The following PRMT8 variants were observed in gnomAD, a reference collection of about 807,000 sequenced individuals.
The protein encoded by PRMT8 is protein arginine N-methyltransferase 8.
In PRMT8, 7 loss-of-function variants were observed where a neutral mutation model predicts 47.1. That is an observed-to-expected ratio of 0.15 (90% CI 0.08 to 0.28). The LOEUF (loss-of-function observed/expected upper bound fraction) is 0.28, where lower values mean the gene tolerates loss of function less well. PRMT8 is among the 10% of genes least tolerant of loss of function. The pLI is 1.00. For synonymous variants in PRMT8, 188 were observed against 186.5 expected, an observed-to-expected ratio of 1.01 and a Z score of -0.07; for missense variants, 237 against 505.4, an observed-to-expected ratio of 0.47 and a Z score of 5.09.
At chr12:3,534,585 C>G (rs952156746) in intron 1 of PRMT8, among the ~76,000 whole-genome samples, 2 of 152,206 alleles carry the variant, frequency 1.3e-5, no homozygotes, top group Non-Finnish European at 1.5e-5. Flanking sequence ...CATCTGCACC[C>G]TGACACCTAT....
At position 3,534,147 on chromosome 12, in the gene PRMT8, C is replaced by T. The variant is rs567048217; in HGVS notation, c.76-6459C>T. On this transcript the variant is annotated intron_variant, in intron 1 of 9. Coordinates refer to ENST00000382622, the MANE Select transcript of PRMT8 (RefSeq NM_019854.5). Reference sequence around the variant, plus strand: ...GTCCCCTCCCACTGCGATCCTCTTTCTTCCCTCCGTGGGCCCTCCAGGCCA... The same window carrying T: ...GTCCCCTCCCACTGCGATCCTCTTTTTTCCCTCCGTGGGCCCTCCAGGCCA... 2.6e-5 allele frequency among the ~76,000 whole-genome samples: 4 copies of T among 152,390 alleles called. No individual in the cohort carries two copies. The South Asian group carries it at 8.3e-4, about 32-fold the overall frequency.
rs1001121151 is a variant in PRMT8, at chr12:3,403,294, C to T, written c.48+21852C>T. ...AGAACACATGGACACATGAGGGGAACAACACACACTGAGGCCTATGGGAGG... is the reference window on the plus strand; with the variant it reads ...AGAACACATGGACACATGAGGGGAATAACACACACTGAGGCCTATGGGAGG... On this transcript the variant is annotated intron_variant, in intron 1 of 9. Transcript: ENST00000452611. Among the ~76,000 whole-genome samples, 4 of 151,970 alleles carry T rather than the reference C, an allele frequency of 2.6e-5. No individual in the cohort carries two copies. The South Asian group carries it at 8.3e-4, about 32-fold the overall frequency.
Position 3,491,364 on chromosome 12 carries a change from G to T in PRMT8, c.-262G>T. Reference sequence around the variant, plus strand: ...GCTTAGCCCGCAGCGCGGGTGGAGAGGGGCGGGGAGGGGGTCGGGGGCACG... The same window carrying T: ...GCTTAGCCCGCAGCGCGGGTGGAGATGGGCGGGGAGGGGGTCGGGGGCACG... On this transcript the variant is annotated 5_prime_UTR_variant, in exon 1 of 10. In the 5' UTR this introduces an upstream ATG that the reference lacks. Transcript: ENST00000382622. The T allele has an allele frequency of 8.5e-7, 1 of 1,174,782 alleles. No homozygotes were observed. Among genetic ancestry groups the T allele is most frequent in the Admixed American group, 4.3e-5 (1 of 23,048 alleles). The allele number at this position is 1,174,782 out of a possible 1,614,324, so 72.8% of individuals were successfully genotyped here. A position where few individuals can be genotyped will look rare whatever the true frequency, so the allele number is the denominator to read the frequency against.
intron 1 of PRMT8, among the ~76,000 whole-genome samples, chr12:3,522,642 C>A (rs1171954950): frequency 3.4e-4 from 30 of 88,134 alleles, no homozygotes; most frequent in Non-Finnish European, 1.6e-4. Flanking sequence ...CAGCCTGAGA[C>A]TCCATTAAAA....
chr12:3,390,753 GCA>G (rs1565396496), intron 1 of PRMT8, among the ~76,000 whole-genome samples: 1 of 152,178 alleles, frequency 6.6e-6, no homozygotes, highest in Non-Finnish European at 1.5e-5. Context: ...AGGAGTTCTA[GCA>G]CTCGTTACAA....
In PRMT8 at chr12:3,582,799, A is replaced by C. The variant is rs7135010; in HGVS notation, c.829-259A>C. On this transcript the variant is annotated intron_variant, in intron 7 of 9. Coordinates refer to ENST00000382622, the MANE Select transcript of PRMT8 (RefSeq NM_019854.5). ...ATCCCCCTGTAGCCCCAAACCCTGG[A>C]AGATTTATCTTCCGAATTCTGCTCC... 5.3e-3 allele frequency among the ~76,000 whole-genome samples: 812 copies of C among 152,228 alleles called. 3 individuals are homozygous for C. Among genetic ancestry groups the C allele is most frequent in the African/African-American group, 0.018 (746 of 41,534 alleles).
rs539914872 is a variant in PRMT8 at position 3,549,719 on chromosome 12, G to T, written c.262-217G>T. ...TGAGTTTCTCTTCTGATGGTGAATA[G>T]CTATCTTTCTGAGTAGAGTTTTAAG... On this transcript the variant is annotated intron_variant, in intron 2 of 9. Transcript: ENST00000382622. Among the ~76,000 whole-genome samples the T allele has an allele frequency of 3.1e-4, 47 of 152,284 alleles. No homozygotes were observed. In the South Asian group the frequency reaches 4.6e-3, roughly 15 times the overall value.
chr12:3,540,613 GCCCCCCCTCCCA>G lies in PRMT8; in HGVS notation c.84_95del (p.Ser28_Gln32delinsArg). 1.1e-4 allele frequency: 125 copies of G among 1,130,410 alleles called. No homozygotes were observed. The highest frequency in any genetic ancestry group is 1.4e-4 in the Non-Finnish European group (109 of 752,394). 70.0% of individuals were successfully genotyped at this position (1,130,410 alleles called of 1,614,324 possible). On this transcript the variant is annotated inframe_deletion, in exon 2 of 10. Coordinates refer to ENST00000382622, the MANE Select transcript of PRMT8 (RefSeq NM_019854.5). ...CCCTTCTCTTCCCCTCAGGTGAACA[GCCCCCCCTCCCA>G]GCCCCCCCAGCCCGTCGTCCCTGCT...
At chr12:3,527,077 G>A (rs1307323962) in intron 1 of PRMT8, among the ~76,000 whole-genome samples, 1 of 151,926 alleles carries the variant, frequency 6.6e-6, no homozygotes, top group Non-Finnish European at 1.5e-5. Context: ...TTCTTTTTCT[G>A]CATTTTGGGG....
intron 1 of PRMT8, among the ~76,000 whole-genome samples, chr12:3,498,380 G>A (rs1009586641): frequency 5.3e-5 from 8 of 152,190 alleles, no homozygotes; most frequent in Non-Finnish European, 7.3e-5. Context: ...ATTAACAGCA[G>A]GAATGTGGAA....
intron 2 of PRMT8, among the ~76,000 whole-genome samples, chr12:3,548,334 G>A (rs1222598635): frequency 3.3e-5 from 5 of 151,754 alleles, no homozygotes; most frequent in Non-Finnish European, 7.4e-5. Flanking sequence ...TGGAAAAACT[G>A]GTCTTTATCA....
At chr12:3,468,246 T>G (rs1865123359) in intron 1 of PRMT8, among the ~76,000 whole-genome samples, 1 of 152,186 alleles carries the variant, frequency 6.6e-6, no homozygotes, top group Admixed American at 6.5e-5. Flanking sequence ...TTCCTAATGA[T>G]TCTTACCTAG....
chr12:3,456,359 G>A lies in PRMT8; in HGVS notation c.48+74917G>A, dbSNP rs1349033433. On this transcript the variant is annotated intron_variant, in intron 1 of 9. Coordinates refer to the PRMT8 transcript ENST00000452611. This position sits in a 1 kb window ranked among gnomAD's most constrained non-coding sequence, Gnocchi z 4.2. Reference sequence around the variant, plus strand: ...AATGTTCACGACATTTTTCTGGATCGTGGATCCCCTTCCCGAGGGAAAAAC... The same window carrying A: ...AATGTTCACGACATTTTTCTGGATCATGGATCCCCTTCCCGAGGGAAAAAC... 2.6e-5 allele frequency among the ~76,000 whole-genome samples: 4 copies of A among 152,088 alleles called. No individual in the cohort carries two copies. Among genetic ancestry groups the A allele is most frequent in the African/African-American group, 9.7e-5 (4 of 41,404 alleles).
chr12:3,438,605 C>G (rs1864769226), intron 1 of PRMT8, among the ~76,000 whole-genome samples: 1 of 152,248 alleles, frequency 6.6e-6, no homozygotes, highest in Non-Finnish European at 1.5e-5. Context: ...GCACTGATGA[C>G]AAATTCCTTT....
At position 3,414,042 on chromosome 12, in the gene PRMT8, T is replaced by C. The variant is rs545203304; in HGVS notation, c.48+32600T>C. On this transcript the variant is annotated intron_variant, in intron 1 of 9. Transcript: ENST00000452611. Reference sequence around the variant, plus strand: ...AAAAAGACATAGGTCAAATTGTTAGTAGTGGTTCTCTTGAATGATTGGAAT... The same window carrying C: ...AAAAAGACATAGGTCAAATTGTTAGCAGTGGTTCTCTTGAATGATTGGAAT... 2.0e-4 allele frequency among the ~76,000 whole-genome samples: 31 copies of C among 152,340 alleles called. 1 individual carries two copies. The East Asian group carries it at 5.6e-3, about 27-fold the overall frequency.
intron 7 of PRMT8, among the ~76,000 whole-genome samples, chr12:3,577,281 C>A (rs544848551): frequency 2.6e-5 from 4 of 152,196 alleles, no homozygotes; most frequent in African/African-American, 4.8e-5. Context: ...GGAGAGGACA[C>A]CTGGAAGAGG....
chr12:3,414,146 A>G lies in PRMT8; in HGVS notation c.48+32704A>G, dbSNP rs139883906. Among the ~76,000 whole-genome samples, 812 of 152,328 alleles carry G rather than the reference A, an allele frequency of 5.3e-3. 10 individuals are homozygous for G. The highest frequency in any genetic ancestry group is 0.019 in the African/African-American group (772 of 41,578). ...AATAAATATGGATATTTTGTATTTT[A>G]AAAATGCTAATTTTGTAAAAGATGA... On this transcript the variant is annotated intron_variant, in intron 1 of 9. Coordinates refer to the PRMT8 transcript ENST00000452611.
At position 3,396,470 on chromosome 12, in the gene PRMT8, G is replaced by A. The variant is rs570428360; in HGVS notation, c.48+15028G>A. Among the ~76,000 whole-genome samples the A allele has an allele frequency of 5.0e-3, 754 of 152,208 alleles. 8 individuals carry two copies. Among genetic ancestry groups the A allele is most frequent in the African/African-American group, 0.017 (724 of 41,506 alleles). On this transcript the variant is annotated intron_variant, in intron 1 of 9. Coordinates refer to the PRMT8 transcript ENST00000452611. ...AGTATTTTATTTCTCCTTCACTTATGAAGCTTAGTTTGGCTGGATATGAAA... is the reference window on the plus strand; with the variant it reads ...AGTATTTTATTTCTCCTTCACTTATAAAGCTTAGTTTGGCTGGATATGAAA...
intron 1 of PRMT8, among the ~76,000 whole-genome samples, chr12:3,521,909 A>G: frequency 1.1e-5 from 1 of 87,054 alleles, no homozygotes; most frequent in African/African-American, 4.4e-5. Context: ...GAAGGTATTA[A>G]TTCAAACAAT....
Sources: gnomAD v4.1 joint callset for allele counts (sites outside exome capture counted in the v4.1 genomes callset) on GRCh38, gnomAD v4.1.1 for gene constraint, Gnocchi (gnomAD v3.1) non-coding constraint, MANE v1.5 for transcripts, NCBI Gene and HGNC (gene_info 2026-07-23, HGNC 2026-07-21) for gene names.